EPHA2: variants seen among roughly 807,000 people sequenced by gnomAD.
EPHA2 encodes EPH receptor A2.
In EPHA2, 54 loss-of-function variants were observed where a neutral mutation model predicts 104.9. The ratio of observed to expected loss-of-function variants is 0.51; its 90% confidence interval spans 0.41 to 0.65. The LOEUF (loss-of-function observed/expected upper bound fraction) is 0.65. Ranked by LOEUF, EPHA2 falls within the 30% of genes least tolerant of loss-of-function variation. The pLI is 0.00. For missense variants in EPHA2, 1,117 were observed against 1,369.5 expected (o/e 0.82, Z 2.91); for synonymous variants, 560 against 559.1 (o/e 1.00, Z -0.02).
intron 16 of EPHA2, among the ~76,000 whole-genome samples, chr1:16,127,613 A>G (rs2024493731): frequency 6.6e-6 from 1 of 152,196 alleles, no homozygotes; most frequent in African/African-American, 2.4e-5. Flanking sequence ...GTTGGGACCC[A>G]TGGCGTGTGT....
chr1:16,151,070 G>T, intron 1 of EPHA2, 107 bp from the exon 2 acceptor site: 2 of 1,050,644 alleles, frequency 1.9e-6, no homozygotes, highest in Non-Finnish European at 1.5e-6. Flanking sequence ...CAGACAGAGC[G>T]AGAGGGACCC....
chr1:16,155,031 C>A (rs1157945606), intron 1 of EPHA2, among the ~76,000 whole-genome samples: 1 of 152,094 alleles, frequency 6.6e-6, no homozygotes, highest in Non-Finnish European at 1.5e-5. Context: ...GCCCCTCACT[C>A]GGCGCGGCTC....
intron 15 of EPHA2, 141 bp from the exon 16 acceptor site, chr1:16,129,730 CAAGTAGGGTTCAA>C: frequency 3.4e-6 from 4 of 1,164,482 alleles, no homozygotes; most frequent in Non-Finnish European, 4.7e-6. Flanking sequence ...GAAGCCCAGT[CAAGTAGGGTTCAA>C]TGAGACCTCC....
chr1:16,151,301 T>A (rs548740574), intron 1 of EPHA2, among the ~76,000 whole-genome samples: 72 of 152,282 alleles, frequency 4.7e-4, no homozygotes, highest in South Asian at 1.0e-3. Flanking sequence ...GAACAGCAGC[T>A]GGGCAGAGAG....
chr1:16,145,361 C>G (rs1026913451), intron 3 of EPHA2, among the ~76,000 whole-genome samples: 1 of 152,224 alleles, frequency 6.6e-6, no homozygotes, highest in Non-Finnish European at 1.5e-5. Flanking sequence ...GCCCACCTGC[C>G]GCACACAGCA....
chr1:16,135,786 A>G lies in EPHA2; in HGVS notation c.1313-16T>C. 7.2e-7 allele frequency: 1 copy of G among 1,395,304 alleles called. No individual in the cohort carries two copies. The highest frequency in any genetic ancestry group is 1.0e-6 in the Non-Finnish European group (1 of 984,182). 86.4% of individuals were successfully genotyped at this position (1,395,304 alleles called of 1,614,324 possible). On this transcript the variant is annotated splice_polypyrimidine_tract_variant and intron_variant, in intron 5 of 16. Transcript: ENST00000358432. The surrounding 1 kb of genome is among the most constrained non-coding windows in gnomAD (Gnocchi z 4.3). ...TTGGGGGGCTCTGGGCAGGACAGGC[A>G]GTGGGGGAAGTGGGTAAGAAGCTGC... is the stretch of plus-strand genomic sequence containing the variant.
At chr1:16,138,581 G>T in intron 3 of EPHA2, 151 bp from the exon 4 acceptor site, 2 of 1,215,912 alleles carry the variant, frequency 1.6e-6, no homozygotes, top group Non-Finnish European at 1.2e-6. Flanking sequence ...AAAATGTCTT[G>T]TGATGGAAAA....
chr1:16,150,812 C>A lies in EPHA2; in HGVS notation c.153+84G>T. On this transcript the variant is annotated intron_variant, in intron 2 of 16. Transcript: ENST00000358432. This position sits in a 1 kb window ranked among gnomAD's most constrained non-coding sequence, Gnocchi z 4.8. ...TGCTGAATTGAAGCCAGGCCCCACGCTCCCTGGGCCTCAGTTTCTCCATCT... is the reference window on the plus strand; with the variant it reads ...TGCTGAATTGAAGCCAGGCCCCACGATCCCTGGGCCTCAGTTTCTCCATCT... 1.4e-6 allele frequency: 2 copies of A among 1,478,220 alleles called. No individual in the cohort carries two copies. The highest frequency in any genetic ancestry group is 1.9e-6 in the Non-Finnish European group (2 of 1,058,634). 91.6% of individuals were successfully genotyped at this position (1,478,220 alleles called of 1,614,324 possible).
Position 16,135,028 on chromosome 1 carries a change from C to A in EPHA2, c.1582+8G>T, listed in dbSNP as rs771441400. The stretch of plus-strand genomic sequence containing the variant: ...GGCCTGGTCCATGCCCAGGGTCCCC[C>A]AACTCACACAGCGTCTGGAATTCGT... On this transcript the variant is annotated splice_region_variant and intron_variant, in intron 7 of 16. Transcript: ENST00000358432. This position sits in a 1 kb window ranked among gnomAD's most constrained non-coding sequence, Gnocchi z 4.3. The A allele has an allele frequency of 6.2e-7, 1 of 1,611,498 alleles. No individual in the cohort carries two copies. Among genetic ancestry groups the A allele is most frequent in the Non-Finnish European group, 8.5e-7 (1 of 1,180,020 alleles).
chr1:16,133,981 C>A, intron 8 of EPHA2, 66 bp from the exon 9 acceptor site: 1 of 1,501,864 alleles, frequency 6.7e-7, no homozygotes, highest in South Asian at 1.2e-5. Flanking sequence ...CCAGGGAAGC[C>A]TCCTGGCCCT....
rs2124263792 is a variant in EPHA2, at chr1:16,148,880, G to A, written c.321C>T (p.Ser107=). 1 of 1,614,194 alleles carries A rather than the reference G, an allele frequency of 6.2e-7. No homozygotes were observed. The highest frequency in any genetic ancestry group is 2.2e-5 in the East Asian group (1 of 44,892). ...TGCAGGAGCTGGCGCCACCAGGGAAGCTGTTGCAGTCACGTACAGTAAACT... is the reference window on the plus strand; with the variant it reads ...TGCAGGAGCTGGCGCCACCAGGGAAACTGTTGCAGTCACGTACAGTAAACT... ...ELKFTVRDCN[S]FPGGASSCKE... Residue 107 remains serine, a synonymous_variant, in exon 3 of 17, where the codon AGC becomes AGT. Transcript: ENST00000358432. This position sits in a 1 kb window ranked among gnomAD's most constrained non-coding sequence, Gnocchi z 4.9.
intron 3 of EPHA2, among the ~76,000 whole-genome samples, chr1:16,138,655 C>A (rs1446829290): frequency 6.6e-6 from 1 of 152,220 alleles, no homozygotes; most frequent in Non-Finnish European, 1.5e-5. Context: ...ATGCTGCAAA[C>A]CTTTGCTTCA....
At chr1:16,143,400 C>A (rs2024865175) in intron 3 of EPHA2, among the ~76,000 whole-genome samples, 1 of 152,060 alleles carries the variant, frequency 6.6e-6, no homozygotes, top group Non-Finnish European at 1.5e-5. Context: ...AGGATGCCTA[C>A]CTGCCTTACA....
chr1:16,133,341 A>G lies in EPHA2; in HGVS notation c.1892T>C (p.Met631Thr), dbSNP rs34021505. 3.3e-3 allele frequency: 5,282 copies of G among 1,613,810 alleles called. 156 individuals carry two copies. In the African/African-American group the frequency reaches 0.059, roughly 18 times the overall value. The change falls in exon 11 of 17, where the codon ATG becomes ACG. Residue 631 changes from methionine to threonine, a missense_variant. Physicochemically the swap from Met to Thr is moderately conservative, Grantham distance 81. Around this residue, in one of 3 missense-constraint regions of EPHA2, gnomAD observed 113 missense variants for 104.3 expected, o/e 1.08. Transcript: ENST00000358432. The stretch of plus-strand genomic sequence containing the variant: ...CTTCTTCCCCGAGGATGTCTTCAGC[A>G]TGCCCTTGTACACCTCCCCAAACTC... ...AGEFGEVYKG[M>T]LKTSSGKKEV...
chr1:16,149,004 A>C lies in EPHA2; in HGVS notation c.197T>G (p.Met66Arg). ...QNIMNDMPIY[M>R]YSVCNVMSGD... ...AGACATCACGTTGCACACGGAGTAC[A>C]TGTAGATCGGCATGTCATTCATGAT... Residue 66 changes from methionine to arginine, a missense_variant, in exon 3 of 17, where the codon ATG (methionine) becomes AGG (arginine). Transcript: ENST00000358432. The C allele has an allele frequency of 3.7e-6, 6 of 1,613,986 alleles. No homozygotes were observed. Among genetic ancestry groups the C allele is most frequent in the Non-Finnish European group, 5.1e-6 (6 of 1,180,042 alleles).
Position 16,155,989 on chromosome 1 carries a change from C to T in EPHA2, c.-57G>A, listed in dbSNP as rs928574252. The T allele has an allele frequency of 2.9e-6, 4 of 1,380,158 alleles. No individual in the cohort carries two copies. Among genetic ancestry groups the T allele is most frequent in the African/African-American group, 3.0e-5 (2 of 65,578 alleles). The allele number at this position is 1,380,158 out of a possible 1,614,324, so 85.5% of individuals were successfully genotyped here. A position where few individuals can be genotyped will look rare whatever the true frequency, so the allele number is the denominator to read the frequency against. ...CGAGCCCGGCTCCCGCACACCCGCACGCCTGCACGCCGGCCTCGGTGTCCG... is the reference window on the plus strand; with the variant it reads ...CGAGCCCGGCTCCCGCACACCCGCATGCCTGCACGCCGGCCTCGGTGTCCG... On this transcript the variant is annotated 5_prime_UTR_variant, in exon 1 of 17. The change creates a new upstream start codon in the 5' untranslated region. Coordinates refer to ENST00000358432, the MANE Select transcript of EPHA2 (RefSeq NM_004431.5).
intron 11 of EPHA2, 67 bp downstream of exon 11, chr1:16,133,113 C>A: frequency 6.3e-7 from 1 of 1,599,670 alleles, no homozygotes; most frequent in Non-Finnish European, 8.5e-7. Flanking sequence ...GAGGTGGGCA[C>A]AGTCACAGAC....
At chr1:16,136,705 GAAGAAGAAAAGAA>G (rs1557507133) in intron 5 of EPHA2, among the ~76,000 whole-genome samples, 7 of 90,650 alleles carry the variant, frequency 7.7e-5, no homozygotes, top group African/African-American at 4.3e-4. Flanking sequence ...AGAAGAAGAA[GAAGAAGAAAAGAA>G]GAAGAAGAAG....
At chr1:16,142,054 C>T (rs1356020001) in intron 3 of EPHA2, among the ~76,000 whole-genome samples, 1 of 152,102 alleles carries the variant, frequency 6.6e-6, no homozygotes, top group Admixed American at 6.6e-5. Flanking sequence ...CAAGTGGGGA[C>T]AGGGGTCACA....
Sources: allele counts gnomAD v4.1 joint callset (sites outside exome capture counted in the v4.1 genomes callset), GRCh38; gene constraint gnomAD v4.1.1; regional missense constraint gnomAD v4.1.1; non-coding constraint Gnocchi (gnomAD v3.1); transcripts MANE v1.5; gene names NCBI Gene and HGNC (gene_info 2026-07-23, HGNC 2026-07-21).